Variants in CCDC91 observed in about 807,000 individuals in gnomAD.
CCDC91 encodes coiled-coil domain-containing protein 91.
CCDC91 carries 48 observed loss-of-function variants against 63.2 expected under a neutral mutation model. That is an observed-to-expected ratio of 0.76 (90% CI 0.60 to 0.97). CCDC91 has a LOEUF of 0.97. CCDC91 is among the 50% of genes least tolerant of loss of function. The pLI, the probability that CCDC91 is intolerant of heterozygous loss-of-function variation, is 0.00. For synonymous variants in CCDC91, 167 were observed against 165.8 expected (o/e 1.01, Z -0.06); for missense variants, 500 against 494.6 (o/e 1.01, Z -0.10).
intron 11 of CCDC91, among the ~76,000 whole-genome samples, chr12:28,481,267 C>G (rs1951432135): frequency 6.6e-6 from 1 of 151,874 alleles, no homozygotes; most frequent in Admixed American, 6.6e-5. Context: ...GATAGTGTTT[C>G]TCAACTGGAA....
chr12:28,292,048 T>C (rs1949283993), intron 3 of CCDC91, among the ~76,000 whole-genome samples: 1 of 152,226 alleles, frequency 6.6e-6, no homozygotes, highest in Non-Finnish European at 1.5e-5. Flanking sequence ...TCTCTGCTGC[T>C]TTATCACCCG....
chr12:28,522,183 C>A (rs1373739637), intron 12 of CCDC91, among the ~76,000 whole-genome samples: 1 of 152,138 alleles, frequency 6.6e-6, no homozygotes, highest in African/African-American at 2.4e-5. Context: ...TAGAATTCGG[C>A]TGTGAATCCA....
At chr12:28,457,024 G>A (rs904139315) in intron 11 of CCDC91, among the ~76,000 whole-genome samples, 8 of 152,106 alleles carry the variant, frequency 5.3e-5, no homozygotes, top group East Asian at 1.9e-4. Flanking sequence ...AGTTTCACAC[G>A]TAACAGTTTT....
intron 5 of CCDC91, among the ~76,000 whole-genome samples, chr12:28,307,254 C>A (rs1334446714): frequency 6.6e-6 from 1 of 151,962 alleles, no homozygotes. Context: ...AATTTTGCGA[C>A]ATCAACTTTT....
chr12:28,374,083 C>A (rs900778371), intron 7 of CCDC91, among the ~76,000 whole-genome samples: 1 of 152,024 alleles, frequency 6.6e-6, no homozygotes, highest in African/African-American at 2.4e-5. Flanking sequence ...ACTAATACAC[C>A]CTACTTAACA....
chr12:28,542,040 T>G (rs916101253), intron 12 of CCDC91, among the ~76,000 whole-genome samples: 5 of 152,110 alleles, frequency 3.3e-5, no homozygotes, highest in African/African-American at 1.2e-4. Flanking sequence ...TTTTAGATTT[T>G]CTTTGGAAAT....
At chr12:28,473,239 T>C (rs1950911507) in intron 11 of CCDC91, among the ~76,000 whole-genome samples, 1 of 152,180 alleles carries the variant, frequency 6.6e-6, no homozygotes. Flanking sequence ...AGCAACTCTT[T>C]ACTACTGCTA....
rs369060257 is a variant in CCDC91 at position 28,422,119 on chromosome 12, G to A, written c.763-28042G>A. ...TTTAGGATTTGCCAAATGCTTTAAT[G>A]TAAATCATTGATTTATTTATACATT... On this transcript the variant is annotated intron_variant, in intron 8 of 12. Coordinates refer to ENST00000536442, the MANE Select transcript of CCDC91 (RefSeq NM_018318.5). 1.4e-4 allele frequency among the ~76,000 whole-genome samples: 22 copies of A among 152,248 alleles called. No individual in the cohort carries two copies. The East Asian group carries it at 3.1e-3, about 21-fold the overall frequency.
intron 3 of CCDC91, among the ~76,000 whole-genome samples, chr12:28,267,585 T>C (rs1285275214): frequency 2.1e-5 from 3 of 144,560 alleles, no homozygotes; most frequent in Admixed American, 1.5e-4. Flanking sequence ...GAACAAGACA[T>C]GCTCTTTGAC....
chr12:28,204,455 A>G (rs1406903196), intron 1 of CCDC91, among the ~76,000 whole-genome samples: 1 of 152,044 alleles, frequency 6.6e-6, no homozygotes. Context: ...TTTTTTGGGG[A>G]AGTAATGCTA....
chr12:28,272,183 G>T (rs1947816931), intron 3 of CCDC91, among the ~76,000 whole-genome samples: 1 of 151,686 alleles, frequency 6.6e-6, no homozygotes, highest in African/African-American at 2.4e-5. Context: ...TAATTGTTCT[G>T]TAGTTTTACT....
chr12:28,223,022 A>G (rs1055798869), intron 1 of CCDC91, among the ~76,000 whole-genome samples: 2 of 152,156 alleles, frequency 1.3e-5, no homozygotes, highest in African/African-American at 4.8e-5. Flanking sequence ...AAGGGTATGC[A>G]GGGTCTGACA....
At chr12:28,532,802 A>G (rs1941851079) in intron 12 of CCDC91, among the ~76,000 whole-genome samples, 1 of 152,086 alleles carries the variant, frequency 6.6e-6, no homozygotes, top group Non-Finnish European at 1.5e-5. Context: ...AATTAAATCA[A>G]TTTGAGAACG....
chr12:28,304,699 A>G lies in CCDC91; in HGVS notation c.110-950A>G, dbSNP rs538047534. 461 of 1,246,908 alleles carry G rather than the reference A, an allele frequency of 3.7e-4. 1 individual carries two copies. The African/African-American group carries it at 5.6e-3, about 15-fold the overall frequency. The allele number at this position is 1,246,908 out of a possible 1,614,324, so 77.2% of individuals were successfully genotyped here. A position where few individuals can be genotyped will look rare whatever the true frequency, so the allele number is the denominator to read the frequency against. On this transcript the variant is annotated intron_variant, in intron 3 of 12. Coordinates refer to ENST00000536442, the MANE Select transcript of CCDC91 (RefSeq NM_018318.5). ...AACTTCACTGAAGTTGCTGATGCCA[A>G]TGTGGAATAAAGGTCTTTATAGTTT...
intron 1 of CCDC91, among the ~76,000 whole-genome samples, chr12:28,206,412 G>A (rs550389861): frequency 2.6e-5 from 4 of 152,190 alleles, no homozygotes; most frequent in African/African-American, 7.2e-5. Context: ...AAGAGAGACC[G>A]TTAGATATTC....
At chr12:28,406,074 G>A (rs1265910336) in intron 8 of CCDC91, among the ~76,000 whole-genome samples, 2 of 152,014 alleles carry the variant, frequency 1.3e-5, no homozygotes, top group African/African-American at 4.8e-5. Flanking sequence ...GCTCAGCCCA[G>A]GTGACATTAT....
intron 8 of CCDC91, among the ~76,000 whole-genome samples, chr12:28,446,795 A>G (rs1272992677): frequency 6.6e-6 from 1 of 152,152 alleles, no homozygotes; most frequent in Non-Finnish European, 1.5e-5. Context: ...TTTATAAGAG[A>G]GAGAAAAGAA....
intron 8 of CCDC91, among the ~76,000 whole-genome samples, chr12:28,443,632 GA>G (rs1949349008): frequency 6.6e-6 from 1 of 151,752 alleles, no homozygotes; most frequent in African/African-American, 2.4e-5. Context: ...CTAATATGAT[GA>G]AAAAAAGAAA....
intron 1 of CCDC91, among the ~76,000 whole-genome samples, chr12:28,222,462 C>G (rs573731804): frequency 6.6e-6 from 1 of 152,226 alleles, no homozygotes; most frequent in South Asian, 2.1e-4. Flanking sequence ...AATGTATACA[C>G]TAGGGATATG....
Sources: allele counts gnomAD v4.1 joint callset (sites outside exome capture counted in the v4.1 genomes callset), GRCh38; gene constraint gnomAD v4.1.1; transcripts MANE v1.5; gene names NCBI Gene and HGNC (gene_info 2026-07-23, HGNC 2026-07-21).